Variants in PID1 observed in about 807,000 individuals in gnomAD.
PID1 encodes phosphotyrosine interaction domain containing 1.
Under a neutral mutation model 19.1 loss-of-function variants are expected in PID1, and 10 were observed. The observed-to-expected ratio is 0.52, with a 90% CI of 0.32 to 0.89. The LOEUF is 0.89. Ranked by LOEUF, PID1 falls within the 40% of genes least tolerant of loss-of-function variation. The probability of loss-of-function intolerance (pLI) is 0.03; values close to 1 mark genes in which losing one functional copy is unlikely to be tolerated. For missense variants in PID1, 248 were observed against 285.3 expected, an observed-to-expected ratio of 0.87 and a Z score of 0.94; for synonymous variants, 130 against 116.0, an observed-to-expected ratio of 1.12 and a Z score of -0.78.
At chr2:229,188,091 AAAT>A (rs1691174138) in intron 1 of PID1, among the ~76,000 whole-genome samples, 2 of 152,222 alleles carry the variant, frequency 1.3e-5, no homozygotes, top group Admixed American at 6.5e-5. Context: ...TATACATTAC[AAAT>A]ACACATCATC....
chr2:229,250,910 C>A (rs1690134489), intron 1 of PID1, among the ~76,000 whole-genome samples: 1 of 152,118 alleles, frequency 6.6e-6, no homozygotes, highest in African/African-American at 2.4e-5. Flanking sequence ...TCTTTATACC[C>A]ACCTTAAAAC....
At chr2:229,176,859 G>A (rs1031805517) in intron 1 of PID1, among the ~76,000 whole-genome samples, 3 of 152,112 alleles carry the variant, frequency 2.0e-5, no homozygotes, top group Non-Finnish European at 4.4e-5. Context: ...TTTGAATCCT[G>A]GTTCCACCTC....
intron 2 of PID1, among the ~76,000 whole-genome samples, chr2:229,039,618 A>C (rs1431331247): frequency 1.3e-5 from 2 of 152,256 alleles, no homozygotes; most frequent in Non-Finnish European, 2.9e-5. Flanking sequence ...TCCCTAGATT[A>C]TCTCTTAACT....
intron 2 of PID1, among the ~76,000 whole-genome samples, chr2:229,080,388 A>C (rs1694646740): frequency 6.6e-6 from 1 of 152,030 alleles, no homozygotes; most frequent in African/African-American, 2.4e-5. Flanking sequence ...GTGGTTGTGC[A>C]CATCCTGCAT....
intron 1 of PID1, among the ~76,000 whole-genome samples, chr2:229,188,508 C>T (rs1185963477): frequency 2.0e-5 from 3 of 151,946 alleles, no homozygotes; most frequent in African/African-American, 4.8e-5. Context: ...GAGGCTGAGG[C>T]GGGTGGATCA....
At chr2:229,068,916 C>T (rs1316870919) in intron 2 of PID1, among the ~76,000 whole-genome samples, 4 of 152,136 alleles carry the variant, frequency 2.6e-5, no homozygotes, top group African/African-American at 7.2e-5. Flanking sequence ...ACACTTTCCA[C>T]GATGTGGTGC....
intron 1 of PID1, among the ~76,000 whole-genome samples, chr2:229,213,725 T>C (rs1306262887): frequency 5.3e-5 from 8 of 152,206 alleles, no homozygotes; most frequent in Non-Finnish European, 1.0e-4. Context: ...TTCAGCACAA[T>C]AGATATGTGA....
intron 1 of PID1, among the ~76,000 whole-genome samples, chr2:229,259,671 A>G (rs1690405516): frequency 6.6e-6 from 1 of 152,202 alleles, no homozygotes. Flanking sequence ...TGAATATCCA[A>G]TTGTTCCAGC....
intron 1 of PID1, among the ~76,000 whole-genome samples, chr2:229,210,238 C>G (rs1234267685): frequency 6.6e-6 from 1 of 151,776 alleles, no homozygotes; most frequent in African/African-American, 2.4e-5. Context: ...CAAGGCCGGG[C>G]ATGGCGGCTC....
At chr2:229,028,297 A>T (rs1029368707) in intron 2 of PID1, among the ~76,000 whole-genome samples, 1 of 152,232 alleles carries the variant, frequency 6.6e-6, no homozygotes, top group African/African-American at 2.4e-5. Context: ...ACACATAGCC[A>T]TTAGTTTTAC....
At chr2:229,246,013 T>C (rs538616966) in intron 1 of PID1, among the ~76,000 whole-genome samples, 125 of 152,294 alleles carry the variant, frequency 8.2e-4, no homozygotes, top group African/African-American at 2.7e-3. Flanking sequence ...AGGTACTTCT[T>C]TGGTAAACCT....
intron 1 of PID1, among the ~76,000 whole-genome samples, chr2:229,204,814 T>C (rs978843897): frequency 1.3e-5 from 2 of 152,164 alleles, no homozygotes; most frequent in African/African-American, 2.4e-5. Context: ...AGTGAATGCA[T>C]GCAGAGGTCA....
At chr2:229,065,385 A>G (rs549119622) in intron 2 of PID1, among the ~76,000 whole-genome samples, 1 of 152,308 alleles carries the variant, frequency 6.6e-6, no homozygotes, top group South Asian at 2.1e-4. Context: ...GTTGTGACCA[A>G]TTAGATCCTG....
intron 1 of PID1, among the ~76,000 whole-genome samples, chr2:229,223,079 C>A (rs1193094486): frequency 6.6e-6 from 1 of 152,086 alleles, no homozygotes; most frequent in Non-Finnish European, 1.5e-5. Flanking sequence ...TGCCTCAGGA[C>A]AAATTCCCAG....
At chr2:229,104,847 G>T (rs985738329) in intron 2 of PID1, among the ~76,000 whole-genome samples, 4 of 152,192 alleles carry the variant, frequency 2.6e-5, no homozygotes, top group African/African-American at 7.2e-5. Context: ...CATCCCACCT[G>T]GCACATAAGG....
In PID1 at chr2:229,151,862, G is replaced by A. The variant is rs560553057; in HGVS notation, c.177+3956C>T. Among the ~76,000 whole-genome samples, 104 of 152,172 alleles carry A rather than the reference G, an allele frequency of 6.8e-4. No homozygotes were observed. The Middle Eastern group carries it at 0.01, about 15-fold the overall frequency. Reference sequence around the variant, plus strand: ...TGGGATTACAGGCGTGAGCCACCGCGCCCAGCTATTTTTTTTTATTACTAT... The same window carrying A: ...TGGGATTACAGGCGTGAGCCACCGCACCCAGCTATTTTTTTTTATTACTAT... On this transcript the variant is annotated intron_variant, in intron 2 of 2. Transcript: ENST00000392055.
intron 1 of PID1, among the ~76,000 whole-genome samples, chr2:229,236,977 TACACACACATACACACACACACACACAC>T (rs1476741356): frequency 2.1e-4 from 12 of 56,668 alleles, no homozygotes; most frequent in Middle Eastern, 8.8e-3. Flanking sequence ...CCTTCTCCTT[TACACACACATACACACACACACACACAC>T]ACACACACAC....
At chr2:229,162,063 T>C (rs892405932) in intron 1 of PID1, among the ~76,000 whole-genome samples, 19 of 152,202 alleles carry the variant, frequency 1.2e-4, no homozygotes, top group African/African-American at 4.3e-4. Flanking sequence ...TGCACAGAGA[T>C]CCATAAAGAA....
At chr2:229,121,719 T>C (rs1574645855) in intron 2 of PID1, among the ~76,000 whole-genome samples, 1 of 152,058 alleles carries the variant, frequency 6.6e-6, no homozygotes, top group Non-Finnish European at 1.5e-5. Context: ...AGGGGGGAGG[T>C]ATTTGTTTAT....
Sources: gnomAD v4.1 joint callset for allele counts (sites outside exome capture counted in the v4.1 genomes callset) on GRCh38, gnomAD v4.1.1 for gene constraint, MANE v1.5 for transcripts, NCBI Gene and HGNC (gene_info 2026-07-23, HGNC 2026-07-21) for gene names.